The following MMP3 variants were observed in gnomAD, a reference collection of about 807,000 sequenced individuals.
MMP3 encodes the protein matrix metallopeptidase 3.
A neutral mutation model predicts 47.3 loss-of-function variants in MMP3; 46 were observed. That is an observed-to-expected ratio of 0.97 (90% CI 0.77 to 1.24). The LOEUF (loss-of-function observed/expected upper bound fraction) is 1.24, where lower values mean the gene tolerates loss of function less well. MMP3 is among the 50% of genes most tolerant of loss of function. The pLI is 0.00. For missense variants in MMP3, 558 were observed against 565.5 expected, an observed-to-expected ratio of 0.99 and a Z score of 0.13; for synonymous variants, 216 against 206.5, an observed-to-expected ratio of 1.05 and a Z score of -0.39.
chr11:102,842,403 GCT>G, intron 3 of MMP3, 26 bp downstream of exon 3: 2 of 918,288 alleles, frequency 2.2e-6, no homozygotes, highest in South Asian at 3.1e-5. Context: ...GTTTTGTTTT[GCT>G]TTTTTTTTTT....
Position 102,836,656 on chromosome 11 carries a change from ATT to A in MMP3, c.1334-432_1334-431del, listed in dbSNP as rs1252965966. 18 of 441,610 alleles carry A rather than the reference ATT, an allele frequency of 4.1e-5. No homozygotes were observed. In the East Asian group the frequency reaches 1.2e-3, roughly 29 times the overall value. 27.4% of individuals were successfully genotyped at this position (441,610 alleles called of 1,614,324 possible). ...AAAAATCCTCCTCCCTTTTCCCTGC[ATT>A]GCAGCCTAGGAAGCACAGCAACTAT... On this transcript the variant is annotated intron_variant, in intron 9 of 9. Coordinates refer to ENST00000299855, the MANE Select transcript of MMP3 (RefSeq NM_002422.5). The surrounding 1 kb of genome is among the most constrained non-coding windows in gnomAD (Gnocchi z 4.6).
At chr11:102,842,312 T>A (rs782395727) in intron 3 of MMP3, 33 bp from the exon 4 acceptor site, 1 of 1,588,960 alleles carries the variant, frequency 6.3e-7, no homozygotes, top group Non-Finnish European at 8.5e-7. Flanking sequence ...GAAAGATATG[T>A]AACAAGGATC....
rs781888130 is a variant in MMP3 at position 102,839,285 on chromosome 11, T to C, written c.936-42A>G. ...AAGAAATGTAAATTGAAAAACAATC[T>C]TTCACCTTTAGAATATTTTCCTCAC... On this transcript the variant is annotated intron_variant, in intron 6 of 9. Transcript: ENST00000299855. The C allele has an allele frequency of 3.1e-6, 5 of 1,610,556 alleles. No individual in the cohort carries two copies. The South Asian group carries it at 4.4e-5, about 14-fold the overall frequency.
intron 3 of MMP3, 25 bp downstream of exon 3, chr11:102,842,406 T>TTTTTTTTTTTTTTTTTTTTTTTTC (rs1565226072): frequency 1.3e-5 from 6 of 447,994 alleles, no homozygotes; most frequent in Non-Finnish European, 1.6e-5. Context: ...TTGTTTTGCT[T>TTTTTTTTTTTTTTTTTTTTTTTTC]TTTTTTTTTT....
chr11:102,840,282 C>T (rs369173244), intron 5 of MMP3, 30 bp from the exon 6 acceptor site: 25 of 1,608,128 alleles, frequency 1.6e-5, no homozygotes, highest in East Asian at 2.2e-5. Flanking sequence ...AAATGTGATA[C>T]GTTTCAATAT....
rs639752 is a variant in MMP3, at chr11:102,836,608, C to A, written c.1334-382G>T. The A allele has an allele frequency of 0.56, 263,395 of 473,550 alleles. 74,912 individuals carry two copies. Among genetic ancestry groups the A allele is most frequent in the South Asian group, 0.68 (43,545 of 64,178 alleles). 29.3% of individuals were successfully genotyped at this position (473,550 alleles called of 1,614,324 possible). ...AATTCTCCACTTGCTTGGAAACTCT[C>A]ATCACCTATTTCTTTCTTCCCCAAA... On this transcript the variant is annotated intron_variant, in intron 9 of 9. Transcript: ENST00000299855. The surrounding 1 kb of genome is among the most constrained non-coding windows in gnomAD (Gnocchi z 4.6).
chr11:102,840,417 A>T lies in MMP3; in HGVS notation c.790+12T>A, dbSNP rs1858973998. The stretch of plus-strand genomic sequence containing the variant: ...CAAAACTACAATGGCTGATTTTCCC[A>T]GTGTCACTCACCATAGAGGGACTGA... On this transcript the variant is annotated intron_variant, in intron 5 of 9. Coordinates refer to ENST00000299855, the MANE Select transcript of MMP3 (RefSeq NM_002422.5). 1.2e-6 allele frequency: 2 copies of T among 1,610,536 alleles called. No homozygotes were observed. The highest frequency in any genetic ancestry group is 2.7e-5 in the African/African-American group (2 of 74,740).
rs1858895988 is a variant in MMP3 at position 102,837,122 on chromosome 11, C to T, written c.1333+176G>A. On this transcript the variant is annotated intron_variant, in intron 9 of 9. Transcript: ENST00000299855. This position sits in a 1 kb window ranked among gnomAD's most constrained non-coding sequence, Gnocchi z 4.4. ...GTGTAATTATCTTTATGGTTCCAAA[C>T]AAGTTATTTTGTGAAGTAGTTCTAT... Among the ~76,000 whole-genome samples, 1 of 152,134 alleles carries T rather than the reference C, an allele frequency of 6.6e-6. No individual in the cohort carries two copies. The highest frequency in any genetic ancestry group is 2.4e-5 in the African/African-American group (1 of 41,430).
At chr11:102,842,944 C>A in intron 1 of MMP3, 28 bp from the exon 2 acceptor site, 2 of 1,540,164 alleles carry the variant, frequency 1.3e-6, no homozygotes, top group South Asian at 2.5e-5. Context: ...GTTTTTAGGT[C>A]ACTCTTACAA....
chr11:102,840,690 C>A (rs1314784928), intron 4 of MMP3, 97 bp from the exon 5 acceptor site: 34 of 1,235,702 alleles, frequency 2.8e-5, no homozygotes, highest in Non-Finnish European at 3.3e-5. Flanking sequence ...CTTCTTGGAA[C>A]CACACAGGGC....
At chr11:102,840,833 C>G (rs1858984784) in intron 4 of MMP3, among the ~76,000 whole-genome samples, 1 of 152,078 alleles carries the variant, frequency 6.6e-6, no homozygotes, top group Non-Finnish European at 1.5e-5. Flanking sequence ...CACTTGCCCC[C>G]CATGGCCCCA....
At position 102,840,608 on chromosome 11, in the gene MMP3, G is replaced by A. The variant is rs900551836; in HGVS notation, c.626-15C>T. The A allele has an allele frequency of 1.2e-6, 2 of 1,611,766 alleles. No individual in the cohort carries two copies. The highest frequency in any genetic ancestry group is 1.7e-6 in the Non-Finnish European group (2 of 1,179,030). On this transcript the variant is annotated splice_polypyrimidine_tract_variant and intron_variant, in intron 4 of 9. Coordinates refer to ENST00000299855, the MANE Select transcript of MMP3 (RefSeq NM_002422.5). Reference sequence around the variant, plus strand: ...TAAATTGGTCCCTATTTAAGAAATTGAGAACAATAGTTACTTATTTTTTAA... The same window carrying A: ...TAAATTGGTCCCTATTTAAGAAATTAAGAACAATAGTTACTTATTTTTTAA...
chr11:102,840,660 G>A (rs887787337), intron 4 of MMP3, 67 bp from the exon 5 acceptor site: 15 of 1,528,556 alleles, frequency 9.8e-6, no homozygotes, highest in Middle Eastern at 2.2e-4. Flanking sequence ...CAGGTCTGCT[G>A]TGCATTGTAT....
chr11:102,836,731 G>A lies in MMP3; in HGVS notation c.1334-505C>T, dbSNP rs1167419648. On this transcript the variant is annotated intron_variant, in intron 9 of 9. Transcript: ENST00000299855. This position sits in a 1 kb window ranked among gnomAD's most constrained non-coding sequence, Gnocchi z 4.6. ...TAGTGCTCTGCAAACATGGTGATCA[G>A]GTTACCTTTCAATAAAGATCATCAG... 1 of 295,820 alleles carries A rather than the reference G, an allele frequency of 3.4e-6. No homozygotes were observed. The highest frequency in any genetic ancestry group is 2.2e-5 in the African/African-American group (1 of 44,750). 18.3% of individuals were successfully genotyped at this position (295,820 alleles called of 1,614,324 possible). A position where few individuals can be genotyped will look rare whatever the true frequency, so the allele number is the denominator to read the frequency against.
chr11:102,838,947 A>G (rs1294484858), intron 7 of MMP3, among the ~76,000 whole-genome samples, 163 bp downstream of exon 7: 2 of 152,160 alleles, frequency 1.3e-5, no homozygotes, highest in Non-Finnish European at 2.9e-5. Context: ...TATTTTTATC[A>G]TCTATGAAAT....
chr11:102,841,826 T>C (rs1315984496), intron 4 of MMP3, among the ~76,000 whole-genome samples: 1 of 152,104 alleles, frequency 6.6e-6, no homozygotes, highest in Non-Finnish European at 1.5e-5. Flanking sequence ...CACATTTTAA[T>C]GTAGATTCAG....
Position 102,840,500 on chromosome 11 carries a change from T to A in MMP3, c.719A>T (p.Tyr240Phe), listed in dbSNP as rs1555005283. 2 of 1,614,052 alleles carry A rather than the reference T, an allele frequency of 1.2e-6. No homozygotes were observed. Among genetic ancestry groups the A allele is most frequent in the Non-Finnish European group, 1.7e-6 (2 of 1,179,988 alleles). The change falls in exon 5 of 10, where the codon TAT (tyrosine) becomes TTT (phenylalanine). Residue 240 changes from tyrosine (Y) to phenylalanine (F), a missense_variant. Physicochemically the swap from Tyr to Phe is conservative, Grantham distance 22. Coordinates refer to ENST00000299855, the MANE Select transcript of MMP3 (RefSeq NM_002422.5). ...CCGAGTCAGGTCTGTGAGTGAGTGA[T>A]AGAGTGGGTACATCAAAGCTTCAGT... ...ANTEALMYPL[Y>F]HSLTDLTRFR... is the part of the protein sequence containing the mutation.
rs916359137 is a variant in MMP3, at chr11:102,840,135, C to T, written c.908G>A (p.Arg303Lys). ...ALSFDAVSTL[R>K]GEILIFKDRH... ...GTCTTTAAAGATCAGGATTTCTCCC[C>T]TCAGAGTGCTGACAGCATCAAAGGA... The change falls in exon 6 of 10, where the codon AGG becomes AAG. Residue 303 changes from arginine (R) to lysine (K), a missense_variant. Coordinates refer to ENST00000299855, the MANE Select transcript of MMP3 (RefSeq NM_002422.5). 3.7e-6 allele frequency: 6 copies of T among 1,613,812 alleles called. No homozygotes were observed. Among genetic ancestry groups the T allele is most frequent in the African/African-American group, 2.7e-5 (2 of 74,900 alleles).
chr11:102,840,721 G>C (rs1023766772), intron 4 of MMP3, 128 bp from the exon 5 acceptor site: 1 of 901,702 alleles, frequency 1.1e-6, no homozygotes, highest in African/African-American at 1.7e-5. Flanking sequence ...TTGTTTGTTG[G>C]TTAATTGAAC....
Sources: gnomAD v4.1 joint callset for allele counts (sites outside exome capture counted in the v4.1 genomes callset) on GRCh38, gnomAD v4.1.1 for gene constraint, Gnocchi (gnomAD v3.1) non-coding constraint, MANE v1.5 for transcripts, NCBI Gene and HGNC (gene_info 2026-07-23, HGNC 2026-07-21) for gene names.